Variants in ATG4D observed in about 807,000 individuals in gnomAD.
ATG4D encodes cysteine protease ATG4D.
Under a neutral mutation model 55.2 loss-of-function variants are expected in ATG4D, and 51 were observed. The observed-to-expected ratio is 0.92, with a 90% CI of 0.74 to 1.17. ATG4D has a LOEUF of 1.17. Among genes scored for constraint, ATG4D ranks in the 50% most tolerant of loss-of-function variants. The pLI, the probability that ATG4D is intolerant of heterozygous loss-of-function variation, is 0.00. For missense variants in ATG4D, 635 were observed against 649.6 expected, an observed-to-expected ratio of 0.98 and a Z score of 0.25; for synonymous variants, 268 against 266.2, an observed-to-expected ratio of 1.01 and a Z score of -0.07.
At chr19:10,552,404 G>A in intron 9 of ATG4D, 80 bp downstream of exon 9, 2 of 1,504,194 alleles carry the variant, frequency 1.3e-6, no homozygotes, top group East Asian at 2.3e-5. Context: ...GAGGCCTCGA[G>A]TCCAGCAGAG....
Position 10,552,880 on chromosome 19 carries a change from G to C in ATG4D, c.1243-5G>C. ...TGGCTGACCCTGTCTCCCTCTTCCCGCCAGGTCCTCAGCTCCTCCTCAGCC... is the reference window on the plus strand; with the variant it reads ...TGGCTGACCCTGTCTCCCTCTTCCCCCCAGGTCCTCAGCTCCTCCTCAGCC... On this transcript the variant is annotated splice_region_variant and splice_polypyrimidine_tract_variant and intron_variant, in intron 9 of 9. Transcript: ENST00000309469. 6.2e-7 allele frequency: 1 copy of C among 1,602,106 alleles called. No homozygotes were observed. The highest frequency in any genetic ancestry group is 8.5e-7 in the Non-Finnish European group (1 of 1,173,824).
chr19:10,544,841 CCG>C lies in ATG4D; in HGVS notation c.296_297del (p.Arg99ProfsTer9). The C allele has an allele frequency of 1.2e-6, 2 of 1,612,642 alleles. No homozygotes were observed. Among genetic ancestry groups the C allele is most frequent in the Admixed American group, 1.7e-5 (1 of 59,760 alleles). ...AGATCTCCAGCATCCACCTCTGTGG[CCG>C]CCGCTACCGTTTCGAGGGCGAGGGT... The part of the protein sequence containing the change: ...SKISSIHLCG[R>X]RYRFEGEGDI... On this transcript the variant is annotated frameshift_variant, in exon 2 of 10. Coordinates refer to ENST00000309469, the MANE Select transcript of ATG4D (RefSeq NM_032885.6). LOFTEE classifies it high-confidence loss of function.
At chr19:10,545,222 G>A in intron 3 of ATG4D, 92 bp downstream of exon 3, 3 of 1,484,068 alleles carry the variant, frequency 2.0e-6, no homozygotes, top group African/African-American at 2.8e-5. Flanking sequence ...AGAGTTCAAA[G>A]TCACGTTAGA....
At position 10,552,391 on chromosome 19, in the gene ATG4D, A is replaced by G. The variant is rs1435055368; in HGVS notation, c.1242+67A>G. The G allele has an allele frequency of 3.3e-6, 5 of 1,537,538 alleles. No individual in the cohort carries two copies. In the Admixed American group the frequency reaches 5.7e-5, roughly 17 times the overall value. ...GGGCAGGGCTGGGGGTGAAAGAGGA[A>G]CAGAGGCCTCGAGTCCAGCAGAGCT... On this transcript the variant is annotated intron_variant, in intron 9 of 9. Transcript: ENST00000309469.
chr19:10,549,008 A>C lies in ATG4D; in HGVS notation c.940A>C (p.Asn314His). The change falls in exon 6 of 10, where the codon AAC becomes CAC. Residue 314 changes from asparagine (N) to histidine (H), a missense_variant. Transcript: ENST00000309469. Reference sequence around the variant, plus strand: ...CGTGCGACTGGGTGGCGAGACTCTCAACCCCGTGTATGTGCCCTGCGTGAA... The same window carrying C: ...CGTGCGACTGGGTGGCGAGACTCTCCACCCCGTGTATGTGCCCTGCGTGAA... ...VPVRLGGETLNPVYVPCVKEL... is the reference protein window; with the variant it reads ...VPVRLGGETLHPVYVPCVKEL... 7 of 1,613,762 alleles carry C rather than the reference A, an allele frequency of 4.3e-6. 1 individual carries two copies. In the South Asian group the frequency reaches 6.6e-5, roughly 15 times the overall value.
At chr19:10,549,519 G>C (rs1242783029) in intron 6 of ATG4D, among the ~76,000 whole-genome samples, 1 of 152,130 alleles carries the variant, frequency 6.6e-6, no homozygotes, top group Non-Finnish European at 1.5e-5. Flanking sequence ...CCGAGTTCAA[G>C]CAATTCTCCT....
At position 10,543,964 on chromosome 19, in the gene ATG4D, C is replaced by T; in HGVS notation, c.-127C>T. 3 of 551,678 alleles carry T rather than the reference C, an allele frequency of 5.4e-6. No individual in the cohort carries two copies. Among genetic ancestry groups the T allele is most frequent in the Middle Eastern group, 5.5e-4 (1 of 1,806 alleles). The allele number at this position is 551,678 out of a possible 1,614,324, so 34.2% of individuals were successfully genotyped here. ...CAGCGGCGGCGGCTGTTGCCTGGCCCGGTACCCTGGGGACGGGGGCCGAGT... is the reference window on the plus strand; with the variant it reads ...CAGCGGCGGCGGCTGTTGCCTGGCCTGGTACCCTGGGGACGGGGGCCGAGT... On this transcript the variant is annotated 5_prime_UTR_variant, in exon 1 of 10. Transcript: ENST00000309469.
rs144231049 is a variant in ATG4D, at chr19:10,552,917, C to A, written c.1275C>A (p.Tyr425Ter). The change falls in exon 10 of 10, where the codon TAC (tyrosine) becomes TAA (stop). Residue 425 changes from tyrosine to a stop codon, truncating the protein, a stop_gained. Coordinates refer to ENST00000309469, the MANE Select transcript of ATG4D (RefSeq NM_032885.6). LOFTEE classifies it high-confidence loss of function. ...GCTCCTCCTCAGCCACAGAGCGGTA[C>A]CCCATGTTCACCCTGGCCGAGGGCC... is the stretch of plus-strand genomic sequence containing the variant. Reference protein sequence around the residue: ...VLSSSSATERYPMFTLAEGHA... With the variant: ...VLSSSSATER 12 of 1,612,988 alleles carry A rather than the reference C, an allele frequency of 7.4e-6. No homozygotes were observed. The African/African-American group carries it at 1.6e-4, about 22-fold the overall frequency.
intron 3 of ATG4D, 78 bp from the exon 4 acceptor site, chr19:10,546,761 T>C (rs1916041336): frequency 7.0e-7 from 1 of 1,435,132 alleles, no homozygotes; most frequent in Non-Finnish European, 9.4e-7. Flanking sequence ...GCATTCGCAT[T>C]GTGTGCGGTG....
intron 1 of ATG4D, 120 bp from the exon 2 acceptor site, chr19:10,544,663 C>G (rs1410926852): frequency 5.3e-6 from 8 of 1,511,028 alleles, no homozygotes; most frequent in Non-Finnish European, 7.1e-6. Flanking sequence ...ACGGAATCCC[C>G]GGAGCCACCC....
chr19:10,548,196 A>AT (rs1271118849), intron 5 of ATG4D, among the ~76,000 whole-genome samples: 2 of 148,860 alleles, frequency 1.3e-5, no homozygotes, highest in East Asian at 4.0e-4. Flanking sequence ...CGCCCAGCTA[A>AT]TTTTTTTTGT....
At chr19:10,544,720 G>A (rs1426480332) in intron 1 of ATG4D, 63 bp from the exon 2 acceptor site, 3 of 1,602,570 alleles carry the variant, frequency 1.9e-6, no homozygotes, top group African/African-American at 1.3e-5. Context: ...TGGGGGAATG[G>A]AAGCGCTGTT....
Position 10,547,068 on chromosome 19 carries a change from G to A in ATG4D, c.723G>A (p.Lys241=), listed in dbSNP as rs1337118853. The change falls in exon 4 of 10, where the codon AAG becomes AAA. Residue 241 remains lysine, a synonymous_variant. Transcript: ENST00000309469. ...TGGAGCTTGGGCAGAGCTCAGGCAA[G>A]AAGGCAGGTGACTGGTATGGGCCAT... ...RLVELGQSSG[K]KAGDWYGPSL... 6.3e-7 allele frequency: 1 copy of A among 1,592,656 alleles called. No individual in the cohort carries two copies. Among genetic ancestry groups the A allele is most frequent in the Non-Finnish European group, 8.5e-7 (1 of 1,171,184 alleles).
intron 3 of ATG4D, among the ~76,000 whole-genome samples, chr19:10,545,843 G>T (rs1287761970): frequency 1.3e-5 from 2 of 151,974 alleles, no homozygotes; most frequent in Non-Finnish European, 2.9e-5. Context: ...CTCCAGCCTG[G>T]GTGGCAGAGC....
intron 5 of ATG4D, among the ~76,000 whole-genome samples, chr19:10,548,033 TTTTTTTTTTTTTTTTG>T (rs1916103261): frequency 2.0e-5 from 1 of 49,306 alleles, no homozygotes; most frequent in Admixed American, 2.0e-4. Context: ...TTTTTTTTTT[TTTTTTTTTTTTTTTTG>T]AGACAGAGTC....
intron 5 of ATG4D, 28 bp from the exon 6 acceptor site, chr19:10,548,876 G>T: frequency 6.2e-7 from 1 of 1,608,216 alleles, no homozygotes; most frequent in Non-Finnish European, 8.5e-7. Flanking sequence ...TGGCAAGAAG[G>T]TGACCTGCTG....
At position 10,548,971 on chromosome 19, in the gene ATG4D, C is replaced by A. The variant is rs1167690028; in HGVS notation, c.903C>A (p.Val301=). ...CCACAGCCGAGTGGAAGTCTGTGGT[C>A]ATCCTGGTGCCCGTGCGACTGGGTG... ...PDPTAEWKSV[V]ILVPVRLGGE... The change falls in exon 6 of 10, where the codon GTC becomes GTA. Residue 301 remains valine, a synonymous_variant. Coordinates refer to ENST00000309469, the MANE Select transcript of ATG4D (RefSeq NM_032885.6). The A allele has an allele frequency of 1.2e-6, 2 of 1,614,102 alleles. No individual in the cohort carries two copies. The highest frequency in any genetic ancestry group is 3.3e-5 in the Admixed American group (2 of 59,988).
Position 10,547,105 on chromosome 19 carries a change from C to T in ATG4D, c.760C>T (p.His254Tyr), listed in dbSNP as rs1465601817. The T allele has an allele frequency of 1.9e-6, 3 of 1,604,512 alleles. No individual in the cohort carries two copies. The highest frequency in any genetic ancestry group is 2.6e-6 in the Non-Finnish European group (3 of 1,175,788). The change falls in exon 4 of 10, where the codon CAC (histidine) becomes TAC (tyrosine). Residue 254 changes from histidine to tyrosine, a missense_variant. Physicochemically the swap from His to Tyr is moderately conservative, Grantham distance 83. Coordinates refer to ENST00000309469, the MANE Select transcript of ATG4D (RefSeq NM_032885.6). ...CTGGTATGGGCCATCGCTAGTGGCA[C>T]ACATCCTCAGGTGAGGGCTGCTGCA... Reference protein sequence around the residue: ...GDWYGPSLVAHILRKAVESCS... With the variant: ...GDWYGPSLVAYILRKAVESCS...
rs964231664 is a variant in ATG4D, at chr19:10,552,880, G to A, written c.1243-5G>A. 7.5e-6 allele frequency: 12 copies of A among 1,601,984 alleles called. No individual in the cohort carries two copies. Among genetic ancestry groups the A allele is most frequent in the Admixed American group, 3.4e-5 (2 of 59,370 alleles). On this transcript the variant is annotated splice_region_variant and splice_polypyrimidine_tract_variant and intron_variant, in intron 9 of 9. Coordinates refer to ENST00000309469, the MANE Select transcript of ATG4D (RefSeq NM_032885.6). ...TGGCTGACCCTGTCTCCCTCTTCCC[G>A]CCAGGTCCTCAGCTCCTCCTCAGCC...
Sources: allele counts gnomAD v4.1 joint callset (sites outside exome capture counted in the v4.1 genomes callset), GRCh38; gene constraint gnomAD v4.1.1; transcripts MANE v1.5; gene names NCBI Gene and HGNC (gene_info 2026-07-23, HGNC 2026-07-21).